DBF4B: variants seen among roughly 807,000 people sequenced by gnomAD.
DBF4B encodes protein DBF4 homolog B.
DBF4B carries 49 observed loss-of-function variants against 53.4 expected under a neutral mutation model. The ratio of observed to expected loss-of-function variants is 0.92; its 90% CI spans 0.73 to 1.16. The LOEUF (loss-of-function observed/expected upper bound fraction) is 1.16, where lower values mean the gene tolerates loss of function less well. Among genes scored for constraint, DBF4B ranks in the 50% most tolerant of loss-of-function variants. DBF4B has a pLI of 0.00. For synonymous variants in DBF4B, 257 were observed against 288.7 expected, an observed-to-expected ratio of 0.89 and a Z score of 1.11; for missense variants, 692 against 775.0, an observed-to-expected ratio of 0.89 and a Z score of 1.27.
At chr17:44,732,081 A>C in intron 5 of DBF4B, 97 bp from the exon 6 acceptor site, 1 of 1,187,450 alleles carries the variant, frequency 8.4e-7, no homozygotes, top group Non-Finnish European at 1.2e-6. Flanking sequence ...CCTCCCATGG[A>C]TGACTCAGGC....
intron 10 of DBF4B, among the ~76,000 whole-genome samples, chr17:44,743,888 G>A (rs1976324038): frequency 6.6e-6 from 1 of 150,980 alleles, no homozygotes; most frequent in Non-Finnish European, 1.5e-5. Context: ...GATTACAGGT[G>A]TGGGCCACCA....
intron 3 of DBF4B, among the ~76,000 whole-genome samples, chr17:44,729,044 C>T (rs1460593588): frequency 6.6e-6 from 1 of 151,294 alleles, no homozygotes; most frequent in Non-Finnish European, 1.5e-5. Flanking sequence ...TAGAGTGAGC[C>T]GAGATCATGC....
chr17:44,709,868 C>T (rs1972703754), intron 2 of DBF4B, among the ~76,000 whole-genome samples: 1 of 151,482 alleles, frequency 6.6e-6, no homozygotes, highest in Non-Finnish European at 1.5e-5. Flanking sequence ...TCCGTACTGC[C>T]CCTTTAGTTA....
chr17:44,736,806 A>T, intron 7 of DBF4B, 24 bp from the exon 8 acceptor site: 2 of 1,613,900 alleles, frequency 1.2e-6, no homozygotes, highest in Non-Finnish European at 1.7e-6. Context: ...TCACATCCTT[A>T]ACCTATTTTT....
chr17:44,721,173 A>G (rs1973803495), intron 2 of DBF4B, among the ~76,000 whole-genome samples: 1 of 151,784 alleles, frequency 6.6e-6, no homozygotes, highest in Admixed American at 6.6e-5. Context: ...CCAAGATTTT[A>G]AAAATACTAT....
chr17:44,712,187 T>G (rs1972944370), intron 2 of DBF4B, among the ~76,000 whole-genome samples: 1 of 151,916 alleles, frequency 6.6e-6, no homozygotes, highest in South Asian at 2.1e-4. Context: ...GATTCCCACT[T>G]CCTAAGAAAC....
At position 44,749,304 on chromosome 17, in the gene DBF4B, G is replaced by T. The variant is rs1382708582; in HGVS notation, c.1189+839G>T. On this transcript the variant is annotated intron_variant, in intron 13 of 13. Coordinates refer to ENST00000315005, the MANE Select transcript of DBF4B (RefSeq NM_145663.3). The surrounding 1 kb of genome is among the most constrained non-coding windows in gnomAD (Gnocchi z 4.4). The stretch of plus-strand genomic sequence containing the variant: ...CCCAGCCCCATGCTGGCAGAGAGCT[G>T]CTCCTACGAGTCCCCAAGGTGCTTG... 5.4e-6 allele frequency: 7 copies of T among 1,290,074 alleles called. No individual in the cohort carries two copies. Among genetic ancestry groups the T allele is most frequent in the Non-Finnish European group, 7.1e-6 (7 of 988,868 alleles). The allele number at this position is 1,290,074 out of a possible 1,614,324, so 79.9% of individuals were successfully genotyped here.
At position 44,751,243 on chromosome 17, in the gene DBF4B, A is replaced by C. The variant is rs1292274804; in HGVS notation, c.1838A>C (p.Asp613Ala). The change falls in exon 14 of 14, where the codon GAC becomes GCC. Residue 613 changes from aspartate (D) to alanine (A), a missense_variant. Asp to Ala is a moderately radical substitution (Grantham distance 126). Transcript: ENST00000315005. ...PFLHCGFLAV[D>A]SG ...CTCCATTGCGGCTTCCTGGCTGTAG[A>C]CTCAGGTTAGAGGTGAACCCAGAAC... is the stretch of plus-strand genomic sequence containing the variant. The C allele has an allele frequency of 1.9e-6, 3 of 1,612,646 alleles. No individual in the cohort carries two copies. Among genetic ancestry groups the C allele is most frequent in the Non-Finnish European group, 2.5e-6 (3 of 1,179,488 alleles).
At chr17:44,723,129 CAG>C in intron 3 of DBF4B, 107 bp downstream of exon 3, 3 of 1,435,962 alleles carry the variant, frequency 2.1e-6, no homozygotes, top group South Asian at 1.4e-5. Context: ...TTTTTTGAGA[CAG>C]AGTCTTGCTC....
chr17:44,734,272 A>C, intron 7 of DBF4B, 109 bp downstream of exon 7: 1 of 1,389,502 alleles, frequency 7.2e-7, no homozygotes, highest in South Asian at 1.2e-5. Flanking sequence ...GGCCATTCTG[A>C]AAGATGGAAG....
At chr17:44,719,906 A>G (rs975938264) in intron 2 of DBF4B, 14 of 207,280 alleles carry the variant, frequency 6.8e-5, no homozygotes, top group African/African-American at 9.5e-5. Flanking sequence ...TCTGTAATCT[A>G]TTTCTCTTTT....
intron 13 of DBF4B, 154 bp downstream of exon 13, chr17:44,748,619 G>A (rs1384926345): frequency 2.0e-6 from 3 of 1,516,280 alleles, no homozygotes; most frequent in Admixed American, 2.0e-5. Context: ...GTGTCCAGGA[G>A]CCCTGCTTGC....
chr17:44,732,544 T>G (rs1029829130), intron 6 of DBF4B: 15 of 397,338 alleles, frequency 3.8e-5, no homozygotes, highest in Non-Finnish European at 4.6e-6. Context: ...ATGATGATCC[T>G]GTTTTACAAA....
intron 2 of DBF4B, among the ~76,000 whole-genome samples, chr17:44,721,017 C>T (rs1568166531): frequency 6.6e-6 from 1 of 151,916 alleles, no homozygotes; most frequent in African/African-American, 2.4e-5. Flanking sequence ...AGGCGTGAAC[C>T]ACCACGCCCG....
intron 6 of DBF4B, chr17:44,732,659 A>G (rs1305225267): frequency 5.8e-6 from 1 of 173,688 alleles, no homozygotes; most frequent in Non-Finnish European, 1.2e-5. Flanking sequence ...CAAGGTCAAG[A>G]GTTCGAGACC....
chr17:44,749,870 GTGTT>G lies in DBF4B; in HGVS notation c.1190-721_1190-718del. The G allele has an allele frequency of 9.7e-7, 1 of 1,034,796 alleles. No individual in the cohort carries two copies. The highest frequency in any genetic ancestry group is 1.2e-6 in the Non-Finnish European group (1 of 859,684). 64.1% of individuals were successfully genotyped at this position (1,034,796 alleles called of 1,614,324 possible). On this transcript the variant is annotated intron_variant, in intron 13 of 13. Transcript: ENST00000315005. The surrounding 1 kb of genome is among the most constrained non-coding windows in gnomAD (Gnocchi z 4.4). ...GCCGCTCCTGCTTTCCAAAATGACT[GTGTT>G]TGTCCCCTCCCCCAGCCCCCCACGC...
At chr17:44,725,481 T>G (rs192333016) in intron 3 of DBF4B, among the ~76,000 whole-genome samples, 1 of 152,182 alleles carries the variant, frequency 6.6e-6, no homozygotes, top group East Asian at 1.9e-4. Flanking sequence ...CTCAGTGGTT[T>G]TTAGTATATT....
intron 6 of DBF4B, 159 bp from the exon 7 acceptor site, chr17:44,733,931 A>T: frequency 1.6e-6 from 1 of 626,758 alleles, no homozygotes; most frequent in South Asian, 1.9e-5. Flanking sequence ...CTCCGCTGTC[A>T]GGAGATGCAG....
intron 12 of DBF4B, 89 bp downstream of exon 12, chr17:44,747,604 G>A (rs2049141540): frequency 6.6e-7 from 1 of 1,514,054 alleles, no homozygotes; most frequent in South Asian, 1.2e-5. Context: ...GGTGGCTGCT[G>A]GGACCAGACT....
Sources: gnomAD v4.1 joint callset for allele counts (sites outside exome capture counted in the v4.1 genomes callset) on GRCh38, gnomAD v4.1.1 for gene constraint, Gnocchi (gnomAD v3.1) non-coding constraint, MANE v1.5 for transcripts, NCBI Gene and HGNC (gene_info 2026-07-23, HGNC 2026-07-21) for gene names.